The following MYOC variants were observed in gnomAD, a reference collection of about 807,000 sequenced individuals.
The protein encoded by MYOC is juvenile-onset open-angle glaucoma 1.
MYOC carries 29 observed loss-of-function variants against 28.2 expected under a neutral mutation model. The ratio of observed to expected loss-of-function variants is 1.03; its 90% CI spans 0.77 to 1.40. MYOC has a LOEUF of 1.40. MYOC is among the 40% of genes most tolerant of loss of function. The pLI, the probability that MYOC is intolerant of heterozygous loss-of-function variation, is 0.00. For synonymous variants in MYOC, 240 were observed against 245.6 expected (o/e 0.98, Z 0.21); for missense variants, 569 against 620.6 (o/e 0.92, Z 0.88).
At chr1:171,647,622 G>A (rs1488146555) in intron 1 of MYOC, among the ~76,000 whole-genome samples, 3 of 152,282 alleles carry the variant, frequency 2.0e-5, no homozygotes, top group East Asian at 1.9e-4. Context: ...ACTGCTCAGC[G>A]CTGCACTGGG....
intron 1 of MYOC, among the ~76,000 whole-genome samples, chr1:171,646,193 C>T (rs1472378028): frequency 3.3e-5 from 5 of 152,178 alleles, no homozygotes; most frequent in African/African-American, 4.8e-5. Context: ...GGACCTAAGC[C>T]GGAAGTCATA....
At chr1:171,640,825 C>T (rs1653058721) in intron 1 of MYOC, among the ~76,000 whole-genome samples, 1 of 152,076 alleles carries the variant, frequency 6.6e-6, no homozygotes, top group Admixed American at 6.5e-5. Flanking sequence ...GGCCAACATC[C>T]CAGGAGGCAA....
chr1:171,651,314 G>A (rs1653343762), intron 1 of MYOC, among the ~76,000 whole-genome samples: 1 of 151,458 alleles, frequency 6.6e-6, no homozygotes, highest in South Asian at 2.1e-4. Flanking sequence ...CAGCTAATAA[G>A]AAGACCTCCC....
chr1:171,645,313 G>A (rs1653174232), intron 1 of MYOC, among the ~76,000 whole-genome samples: 1 of 152,168 alleles, frequency 6.6e-6, no homozygotes, highest in Non-Finnish European at 1.5e-5. Context: ...ACGGACCTCA[G>A]TGCTCTGGAG....
In MYOC at chr1:171,639,652, C is replaced by CAAA. The variant is rs3980587; in HGVS notation, c.605-933_605-931dup. ...AGAGCAAGGCCCGGTCTCAAGGTCT[C>CAAA]AAAAAAAAAAAAAAAGAGACCGGGC... On this transcript the variant is annotated intron_variant, in intron 1 of 2. Coordinates refer to ENST00000037502, the MANE Select transcript of MYOC (RefSeq NM_000261.2). Among the ~76,000 whole-genome samples the CAAA allele has an allele frequency of 2.9e-3, 329 of 115,298 alleles. 13 individuals are homozygous for CAAA. The highest frequency in any genetic ancestry group is 0.013 in the Admixed American group (139 of 10,686). The allele number at this position is 115,298 out of a possible 152,430, so 75.6% of individuals were successfully genotyped here.
chr1:171,639,630 G>T (rs1653022776), intron 1 of MYOC, among the ~76,000 whole-genome samples: 2 of 138,702 alleles, frequency 1.4e-5, no homozygotes, highest in African/African-American at 2.8e-5. Flanking sequence ...GGGTAACAGA[G>T]CAAGGCCCGG....
At chr1:171,650,304 C>T (rs897670345) in intron 1 of MYOC, among the ~76,000 whole-genome samples, 4 of 152,246 alleles carry the variant, frequency 2.6e-5, no homozygotes, top group Non-Finnish European at 5.9e-5. Flanking sequence ...CATCACACTT[C>T]TGGTAATGAT....
At chr1:171,648,643 A>AATAAATTTATATATATAATTATATATATT (rs1653262007) in intron 1 of MYOC, among the ~76,000 whole-genome samples, 1 of 148,016 alleles carries the variant, frequency 6.8e-6, no homozygotes, top group African/African-American at 2.5e-5. Flanking sequence ...TTATATATAT[A>AATAAATTTATATATATAATTATATATATT]ATAAATTTAT....
chr1:171,648,359 G>T (rs1653253797), intron 1 of MYOC, among the ~76,000 whole-genome samples: 1 of 152,076 alleles, frequency 6.6e-6, no homozygotes, highest in Admixed American at 6.6e-5. Context: ...GGGCTTGATG[G>T]GATTGAGCCT....
intron 1 of MYOC, among the ~76,000 whole-genome samples, chr1:171,646,074 A>G (rs1360969890): frequency 2.6e-5 from 4 of 152,256 alleles, no homozygotes; most frequent in Non-Finnish European, 4.4e-5. Context: ...AGCCAGGAGC[A>G]TCTGGCAATG....
At chr1:171,637,698 T>C (rs1229663649) in intron 2 of MYOC, among the ~76,000 whole-genome samples, 1 of 151,230 alleles carries the variant, frequency 6.6e-6, no homozygotes, top group Non-Finnish European at 1.5e-5. Context: ...CTGCAACCTC[T>C]GCCTCCTGGG....
intron 1 of MYOC, among the ~76,000 whole-genome samples, chr1:171,647,915 C>T (rs939971365): frequency 3.3e-5 from 5 of 152,014 alleles, no homozygotes; most frequent in African/African-American, 1.2e-4. Flanking sequence ...CGCCGTGGCT[C>T]ATGCCTGTAA....
Position 171,652,247 on chromosome 1 carries a change from C to A in MYOC, c.365G>T (p.Gly122Val), listed in dbSNP as rs1395679980. The change falls in exon 1 of 3, where the codon GGC becomes GTC. Residue 122 changes from glycine to valine, a missense_variant. Transcript: ENST00000037502. ...CTGGTCCCGCTCCCGCCTCAGGGTGCCCAGCTCCCTCTGCAGCCCCTCCTG... is the reference window on the plus strand; with the variant it reads ...CTGGTCCCGCTCCCGCCTCAGGGTGACCAGCTCCCTCTGCAGCCCCTCCTG... Reference protein sequence around the residue: ...ETQEGLQRELGTLRRERDQLE... With the variant: ...ETQEGLQRELVTLRRERDQLE... 3.1e-6 allele frequency: 5 copies of A among 1,614,184 alleles called. No homozygotes were observed. The Admixed American group carries it at 8.3e-5, about 27-fold the overall frequency.
intron 1 of MYOC, among the ~76,000 whole-genome samples, chr1:171,643,971 A>T (rs1185567185): frequency 1.6e-4 from 3 of 18,366 alleles, no homozygotes; most frequent in East Asian, 2.1e-3. Context: ...TCTGTCTCAA[A>T]AAAAAAAAAA....
In MYOC at chr1:171,652,413, C is replaced by T; in HGVS notation, c.199G>A (p.Ala67Thr). The T allele has an allele frequency of 6.2e-7, 1 of 1,614,132 alleles. No individual in the cohort carries two copies. The highest frequency in any genetic ancestry group is 8.5e-7 in the Non-Finnish European group (1 of 1,179,988). ...NESSCPEQSQ[A>T]MSVIHNLQRD... ...TGTAAGTTATGGATGACTGACATGG[C>T]CTGGCTCTGCTCTGGGCAGCTGGAT... Residue 67 changes from alanine to threonine, a missense_variant, in exon 1 of 3, where the codon GCC (alanine) becomes ACC (threonine). By Grantham distance (58) the Ala-to-Thr change is moderately conservative. Coordinates refer to ENST00000037502, the MANE Select transcript of MYOC (RefSeq NM_000261.2).
In MYOC at chr1:171,635,684, T is replaced by C. The variant is rs186880389; in HGVS notation, c.*241A>G. On this transcript the variant is annotated 3_prime_UTR_variant, in exon 3 of 3. Transcript: ENST00000037502. ...CACAAGAAAACTTGAACTATGTCAT[T>C]AAACATCCCATAAATGCTGACAGAA... The C allele has an allele frequency of 8.6e-4, 487 of 569,014 alleles. 2 individuals are homozygous for C. The highest frequency in any genetic ancestry group is 4.8e-4 in the Non-Finnish European group (155 of 319,672). The allele number at this position is 569,014 out of a possible 1,614,324, so 35.2% of individuals were successfully genotyped here.
intron 1 of MYOC, among the ~76,000 whole-genome samples, chr1:171,646,469 T>G (rs555662830): frequency 1.7e-4 from 26 of 151,978 alleles, no homozygotes; most frequent in South Asian, 1.0e-3. Context: ...TTAGCATTTT[T>G]GGGGCTTTTA....
chr1:171,639,392 A>G (rs1653017961), intron 1 of MYOC, among the ~76,000 whole-genome samples: 1 of 152,152 alleles, frequency 6.6e-6, no homozygotes, highest in South Asian at 2.1e-4. Flanking sequence ...TTCCACTAGA[A>G]GGGCTGGTTT....
In MYOC at chr1:171,636,914, T is replaced by G. The variant is rs12076134; in HGVS notation, c.731-205A>C. On this transcript the variant is annotated intron_variant, in intron 2 of 2. Transcript: ENST00000037502. ...GCTCTCTACGCCTCAGTTATCGCATTTGTAAAAGGGGATACTAATAGTGTT... is the reference window on the plus strand; with the variant it reads ...GCTCTCTACGCCTCAGTTATCGCATGTGTAAAAGGGGATACTAATAGTGTT... Among the ~76,000 whole-genome samples the G allele has an allele frequency of 0.21, 31,984 of 152,158 alleles. 3,505 individuals are homozygous for G. Among genetic ancestry groups the G allele is most frequent in the South Asian group, 0.37 (1,797 of 4,816 alleles).
Sources: gnomAD v4.1 joint callset for allele counts (sites outside exome capture counted in the v4.1 genomes callset) on GRCh38, gnomAD v4.1.1 for gene constraint, MANE v1.5 for transcripts, NCBI Gene and HGNC (gene_info 2026-07-23, HGNC 2026-07-21) for gene names.